PIK3C2G: variants seen among roughly 807,000 people sequenced by gnomAD.
PIK3C2G encodes phosphatidylinositol 3-kinase C2 domain-containing subunit gamma.
In PIK3C2G, 168 loss-of-function variants were observed where a neutral mutation model predicts 181.1. That is an observed-to-expected ratio of 0.93 (90% CI 0.82 to 1.05). The LOEUF (loss-of-function observed/expected upper bound fraction) is 1.05, where lower values mean the gene tolerates loss of function less well. Among genes scored for constraint, PIK3C2G ranks in the 50% least tolerant of loss-of-function variants. PIK3C2G has a pLI of 0.00. For missense variants in PIK3C2G, 1,869 were observed against 1,732.8 expected (o/e 1.08, Z -1.40); for synonymous variants, 573 against 592.2 (o/e 0.97, Z 0.47).
chr12:18,565,176 T>G (rs1945564098), intron 28 of PIK3C2G, among the ~76,000 whole-genome samples: 1 of 152,126 alleles, frequency 6.6e-6, no homozygotes, highest in Admixed American at 6.6e-5. Flanking sequence ...TCCCTATGAC[T>G]TCTAAAATTA....
the PIK3C2G span, among the ~76,000 whole-genome samples, chr12:18,676,563 G>A: frequency 6.6e-6 from 1 of 151,990 alleles, no homozygotes; most frequent in African/African-American, 2.4e-5. Flanking sequence ...TTATAGTTAG[G>A]TGTCTAAGAA....
rs1943963982 is a variant in PIK3C2G at position 18,538,255 on chromosome 12, TCGTG to T, written c.3425_3428del (p.Arg1142LeufsTer13). On this transcript the variant is annotated frameshift_variant, in exon 25 of 33. Transcript: ENST00000538779. LOFTEE classifies it high-confidence loss of function. The stretch of plus-strand genomic sequence containing the variant: ...TTCAAGATTTTGTGGAACTTTGCTG[TCGTG>T]CTTATAATATTATCAGAAAGCACAG... 5.0e-6 allele frequency: 8 copies of T among 1,612,258 alleles called. No homozygotes were observed. Among genetic ancestry groups the T allele is most frequent in the Non-Finnish European group, 6.8e-6 (8 of 1,179,030 alleles).
intron 29 of PIK3C2G, among the ~76,000 whole-genome samples, chr12:18,568,398 G>T (rs1441307136): frequency 6.6e-6 from 1 of 151,750 alleles, no homozygotes; most frequent in Non-Finnish European, 1.5e-5. Context: ...GTGTGTGTGT[G>T]TGTGTGTGTG....
At chr12:18,279,316 A>G (rs1949115423) in intron 1 of PIK3C2G, among the ~76,000 whole-genome samples, 1 of 152,032 alleles carries the variant, frequency 6.6e-6, no homozygotes, top group Non-Finnish European at 1.5e-5. Context: ...ACATGTTAAA[A>G]CATGTGAATA....
chr12:18,647,986 C>T lies in PIK3C2G; in HGVS notation c.4419C>T (p.Leu1473=), dbSNP rs1950238101. ...ACATCCGACTCTGTAGTGTCCCACT[C>T]GATAAAGAAAAATGGTATCCATTAG... The part of the protein sequence containing the change: ...AINIRLCSVP[L]DKEKWYPLGN... Residue 1473 remains leucine, a synonymous_variant, in exon 33 of 33, where the codon CTC becomes CTT. Coordinates refer to ENST00000538779, the MANE Select transcript of PIK3C2G (RefSeq NM_001288772.2). 6.3e-6 allele frequency: 10 copies of T among 1,593,830 alleles called. No homozygotes were observed. The highest frequency in any genetic ancestry group is 8.6e-6 in the Non-Finnish European group (10 of 1,168,482).
chr12:18,723,256 A>G, the PIK3C2G span: 3 of 1,473,336 alleles, frequency 2.0e-6, no homozygotes, highest in Non-Finnish European at 2.8e-6. Flanking sequence ...TTTTGAAAAA[A>G]GAAAAAATAC....
chr12:18,470,293 A>G (rs760837272), intron 18 of PIK3C2G, among the ~76,000 whole-genome samples: 12 of 152,230 alleles, frequency 7.9e-5, no homozygotes, highest in Non-Finnish European at 1.8e-4. Flanking sequence ...GCTGCCCGTT[A>G]GCAGAAAAAG....
intron 30 of PIK3C2G, among the ~76,000 whole-genome samples, chr12:18,607,538 C>A (rs1948093890): frequency 6.6e-6 from 1 of 152,094 alleles, no homozygotes; most frequent in South Asian, 2.1e-4. Context: ...ACACCTTATA[C>A]AAAAATTAAT....
chr12:18,258,554 T>A (rs1948171450), upstream of PIK3C2G, among the ~76,000 whole-genome samples: 1 of 152,210 alleles, frequency 6.6e-6, no homozygotes. Context: ...TATGTCTAGC[T>A]TATTTTACTC....
intron 16 of PIK3C2G, among the ~76,000 whole-genome samples, chr12:18,404,321 A>G (rs1944404987): frequency 6.6e-6 from 1 of 152,150 alleles, no homozygotes; most frequent in African/African-American, 2.4e-5. Context: ...TTATTTATTG[A>G]ACAAAAATAT....
At chr12:18,403,162 A>C (rs976893526) in intron 16 of PIK3C2G, among the ~76,000 whole-genome samples, 18 of 152,290 alleles carry the variant, frequency 1.2e-4, no homozygotes, top group Admixed American at 1.2e-3. Flanking sequence ...GGTCATGCTC[A>C]GATGTTTCTA....
chr12:18,291,343 G>A (rs1949683702), intron 4 of PIK3C2G, among the ~76,000 whole-genome samples: 1 of 152,048 alleles, frequency 6.6e-6, no homozygotes, highest in Non-Finnish European at 1.5e-5. Context: ...AGTAAAAATG[G>A]CTGCTTCTAT....
chr12:18,537,389 C>A (rs1226709358), intron 24 of PIK3C2G, among the ~76,000 whole-genome samples: 1 of 152,024 alleles, frequency 6.6e-6, no homozygotes, highest in Non-Finnish European at 1.5e-5. Flanking sequence ...AGGGATGTTT[C>A]CAATCCTCTC....
chr12:18,679,201 T>A, the PIK3C2G span, among the ~76,000 whole-genome samples: 1 of 152,020 alleles, frequency 6.6e-6, no homozygotes, highest in Admixed American at 6.6e-5. Context: ...TAAGTATTCT[T>A]CATATAGTCT....
chr12:18,292,841 G>A (rs1949771562), intron 4 of PIK3C2G, among the ~76,000 whole-genome samples: 1 of 152,164 alleles, frequency 6.6e-6, no homozygotes, highest in Non-Finnish European at 1.5e-5. Context: ...GAGTCTGACA[G>A]ATCTTGTTTA....
intron 5 of PIK3C2G, among the ~76,000 whole-genome samples, chr12:18,306,369 A>T (rs1003155644): frequency 1.3e-5 from 2 of 152,026 alleles, no homozygotes; most frequent in African/African-American, 4.8e-5. Context: ...TAGTTTTAGG[A>T]TTGAACCTAT....
At chr12:18,510,161 G>C (rs1190524842) in intron 24 of PIK3C2G, among the ~76,000 whole-genome samples, 1 of 152,118 alleles carries the variant, frequency 6.6e-6, no homozygotes, top group Non-Finnish European at 1.5e-5. Context: ...TGTAGAGATA[G>C]GGTCTCACCA....
rs201612275 is a variant in PIK3C2G, at chr12:18,647,987, G to A, written c.4420G>A (p.Asp1474Asn). The A allele has an allele frequency of 2.9e-4, 468 of 1,595,122 alleles. No individual in the cohort carries two copies. The highest frequency in any genetic ancestry group is 3.8e-4 in the Non-Finnish European group (440 of 1,169,354). ...CATCCGACTCTGTAGTGTCCCACTC[G>A]ATAAAGAAAAATGGTATCCATTAGG... ...INIRLCSVPL[D>N]KEKWYPLGNS... is the part of the protein sequence containing the mutation. Residue 1474 changes from aspartate to asparagine, a missense_variant, in exon 33 of 33, where the codon GAT (aspartate) becomes AAT (asparagine). Transcript: ENST00000538779.
the PIK3C2G span, among the ~76,000 whole-genome samples, chr12:18,674,769 C>G: frequency 3.9e-5 from 6 of 152,110 alleles, no homozygotes; most frequent in African/African-American, 1.2e-4. Context: ...TGTATGACTT[C>G]TGTAATGAGT....
Sources: allele counts gnomAD v4.1 joint callset (sites outside exome capture counted in the v4.1 genomes callset), GRCh38; gene constraint gnomAD v4.1.1; transcripts MANE v1.5; gene names NCBI Gene and HGNC (gene_info 2026-07-23, HGNC 2026-07-21).